The following MSI2 variants were observed in gnomAD, a reference collection of about 807,000 sequenced individuals.
The protein encoded by MSI2 is RNA-binding protein Musashi homolog 2.
Under a neutral mutation model 45.6 loss-of-function variants are expected in MSI2, and 17 were observed. That is an observed-to-expected ratio of 0.37 (90% CI 0.26 to 0.56). The LOEUF (loss-of-function observed/expected upper bound fraction) is 0.56. Among genes scored for constraint, MSI2 ranks in the 20% least tolerant of loss-of-function variants. MSI2 has a pLI of 0.77. For synonymous variants in MSI2, 156 were observed against 158.2 expected, an observed-to-expected ratio of 0.99 and a Z score of 0.11; for missense variants, 293 against 444.2, an observed-to-expected ratio of 0.66 and a Z score of 3.06.
intron 5 of MSI2, chr17:57,285,894 G>T (rs1339471789): frequency 2.0e-6 from 3 of 1,531,414 alleles, no homozygotes; most frequent in East Asian, 2.5e-5. Context: ...ATGATGAGGG[G>T]TTATATTAAG....
intron 7 of MSI2, among the ~76,000 whole-genome samples, chr17:57,534,065 G>A (rs1244020637): frequency 3.9e-5 from 6 of 152,230 alleles, no homozygotes; most frequent in African/African-American, 1.4e-4. Context: ...AACACCAAGT[G>A]CTTAGCACAG....
At chr17:57,432,098 A>G (rs899406461) in intron 6 of MSI2, among the ~76,000 whole-genome samples, 1 of 152,156 alleles carries the variant, frequency 6.6e-6, no homozygotes. Flanking sequence ...TAACCCTTCC[A>G]TTAAATATTA....
intron 5 of MSI2, among the ~76,000 whole-genome samples, chr17:57,344,175 C>T (rs1915402861): frequency 6.6e-6 from 1 of 152,154 alleles, no homozygotes; most frequent in South Asian, 2.1e-4. Flanking sequence ...TTTCTAATTC[C>T]TACATCCCCT....
chr17:57,643,405 G>A (rs1353559088), intron 10 of MSI2, among the ~76,000 whole-genome samples: 1 of 152,256 alleles, frequency 6.6e-6, no homozygotes, highest in African/African-American at 2.4e-5. Flanking sequence ...GTGTTGCGAA[G>A]GGCCCCGCTG....
chr17:57,436,954 A>G (rs2084702055), intron 6 of MSI2, among the ~76,000 whole-genome samples: 1 of 152,160 alleles, frequency 6.6e-6, no homozygotes, highest in Admixed American at 6.5e-5. Context: ...AGTACTTGAC[A>G]TTGGATTCAA....
At chr17:57,323,011 T>G in intron 5 of MSI2, among the ~76,000 whole-genome samples, 1 of 150,018 alleles carries the variant, frequency 6.7e-6, no homozygotes, top group South Asian at 2.1e-4. Context: ...GCGGGGAGCA[T>G]ATTGGTGGGG....
At chr17:57,612,718 A>G (rs1330730933) in intron 8 of MSI2, among the ~76,000 whole-genome samples, 1 of 152,254 alleles carries the variant, frequency 6.6e-6, no homozygotes, top group East Asian at 1.9e-4. Flanking sequence ...CATTACAGTC[A>G]GTTAACCTTT....
intron 11 of MSI2, among the ~76,000 whole-genome samples, chr17:57,659,460 G>A (rs903542395): frequency 3.3e-5 from 5 of 152,114 alleles, no homozygotes; most frequent in Admixed American, 2.6e-4. Flanking sequence ...CCTGGGAGAC[G>A]GTCAGGAAGG....
chr17:57,651,377 T>C (rs1461429769), intron 10 of MSI2, among the ~76,000 whole-genome samples: 1 of 151,588 alleles, frequency 6.6e-6, no homozygotes, highest in Admixed American at 6.6e-5. Flanking sequence ...CACAATTGCC[T>C]CAGGAGGTTG....
chr17:57,510,168 C>G (rs891418395), intron 6 of MSI2, among the ~76,000 whole-genome samples: 2 of 151,990 alleles, frequency 1.3e-5, no homozygotes, highest in African/African-American at 4.8e-5. Context: ...GACTTTCAGC[C>G]TTTTGTGTGG....
At chr17:57,458,140 G>A (rs1294277512) in intron 6 of MSI2, among the ~76,000 whole-genome samples, 7 of 134,274 alleles carry the variant, frequency 5.2e-5, no homozygotes, top group Admixed American at 8.4e-5. Flanking sequence ...TCGCTCTGTC[G>A]CCCAGGCTGG....
chr17:57,497,417 G>A (rs906963368), intron 6 of MSI2, among the ~76,000 whole-genome samples: 25 of 152,346 alleles, frequency 1.6e-4, no homozygotes, highest in Admixed American at 6.5e-4. Context: ...AGGCAGCTGT[G>A]TGTGGCAGGA....
intron 10 of MSI2, chr17:57,632,559 G>A (rs1290689419): frequency 9.4e-7 from 1 of 1,066,986 alleles, no homozygotes; most frequent in African/African-American, 1.6e-5. Flanking sequence ...CTTGCCTGCT[G>A]GCACCATTGG....
chr17:57,586,879 A>G (rs1025522731), intron 7 of MSI2, among the ~76,000 whole-genome samples: 7 of 151,854 alleles, frequency 4.6e-5, no homozygotes, highest in Non-Finnish European at 1.0e-4. Flanking sequence ...TTCCCACTTC[A>G]TGTAAGAGAG....
intron 9 of MSI2, 104 bp downstream of exon 9, chr17:57,616,188 T>C: frequency 1.3e-6 from 1 of 764,060 alleles, no homozygotes; most frequent in Non-Finnish European, 2.2e-6. Context: ...TTCACCTTTC[T>C]AAGCCTCAGT....
At chr17:57,675,189 T>C (rs907300228) in intron 12 of MSI2, 63 bp downstream of exon 12, 12 of 1,521,234 alleles carry the variant, frequency 7.9e-6, no homozygotes, top group African/African-American at 1.4e-5. Context: ...TTGTGGCCTG[T>C]GGGTGTGCCA....
chr17:57,558,994 G>A lies in MSI2; in HGVS notation c.454+29270G>A, dbSNP rs1010541496. 3.3e-5 allele frequency among the ~76,000 whole-genome samples: 5 copies of A among 152,088 alleles called. No homozygotes were observed. In the East Asian group the frequency reaches 5.8e-4, roughly 18 times the overall value. ...GGAGAATCACTTGAACCCAGGAGGC[G>A]GAGGTTGCAGTGAGCCGAGATGGCA... On this transcript the variant is annotated intron_variant, in intron 7 of 13. Transcript: ENST00000284073.
intron 5 of MSI2, among the ~76,000 whole-genome samples, chr17:57,384,557 T>C (rs1178507163): frequency 1.3e-5 from 2 of 152,196 alleles, no homozygotes; most frequent in African/African-American, 4.8e-5. Flanking sequence ...CTGTCCTCTG[T>C]TGGTTGAAGT....
intron 7 of MSI2, among the ~76,000 whole-genome samples, chr17:57,542,268 G>A (rs1254100405): frequency 3.3e-5 from 5 of 152,182 alleles, no homozygotes; most frequent in Non-Finnish European, 7.3e-5. Flanking sequence ...GCACAATAAA[G>A]CAGAGAAGGG....
Sources: allele counts gnomAD v4.1 joint callset (sites outside exome capture counted in the v4.1 genomes callset), GRCh38; gene constraint gnomAD v4.1.1; transcripts MANE v1.5; gene names NCBI Gene and HGNC (gene_info 2026-07-23, HGNC 2026-07-21).